Variants in STK4 observed in about 807,000 individuals in gnomAD.
STK4 encodes serine/threonine kinase 4, also known as serine/threonine-protein kinase 4.
Under a neutral mutation model 64.9 loss-of-function variants are expected in STK4, and 30 were observed. The ratio of observed to expected loss-of-function variants is 0.46; its 90% confidence interval spans 0.35 to 0.63. The LOEUF (loss-of-function observed/expected upper bound fraction) is 0.63. Ranked by LOEUF, STK4 falls within the 20% of genes least tolerant of loss-of-function variation. STK4 has a pLI of 0.01. For missense variants in STK4, 466 were observed against 598.5 expected, an observed-to-expected ratio of 0.78 and a Z score of 2.31; for synonymous variants, 177 against 199.0, an observed-to-expected ratio of 0.89 and a Z score of 0.93.
intron 9 of STK4, among the ~76,000 whole-genome samples, chr20:45,009,934 CTT>C (rs2068015353): frequency 6.6e-6 from 1 of 152,102 alleles, no homozygotes; most frequent in South Asian, 2.1e-4. Flanking sequence ...TTGACAGAGT[CTT>C]TAGGATTTTC....
intron 10 of STK4, among the ~76,000 whole-genome samples, chr20:45,071,388 C>T (rs1331338911): frequency 6.6e-6 from 1 of 152,170 alleles, no homozygotes; most frequent in East Asian, 1.9e-4. Flanking sequence ...CTACACTTGG[C>T]GCCATGAAAC....
chr20:44,989,728 T>C (rs2067599122), intron 5 of STK4, among the ~76,000 whole-genome samples: 1 of 152,220 alleles, frequency 6.6e-6, no homozygotes, highest in South Asian at 2.1e-4. Flanking sequence ...AGCTCTTATG[T>C]TTAGATCTGT....
Position 45,048,371 on chromosome 20 carries a change from G to A in STK4, c.1305+23241G>A, listed in dbSNP as rs537940315. On this transcript the variant is annotated intron_variant, in intron 10 of 10. Transcript: ENST00000372806. ...TTTATTTACATGTGTAACACTTAGG[G>A]TGGGAGACATGGATGAACTACTGGA... 1.4e-4 allele frequency among the ~76,000 whole-genome samples: 21 copies of A among 152,328 alleles called. No individual in the cohort carries two copies. The South Asian group carries it at 4.4e-3, about 32-fold the overall frequency.
intron 10 of STK4, among the ~76,000 whole-genome samples, chr20:45,054,183 T>A (rs1017118693): frequency 3.9e-5 from 6 of 152,200 alleles, no homozygotes; most frequent in African/African-American, 1.4e-4. Context: ...CTGCTGTCCG[T>A]GCTTCATTCT....
chr20:45,048,414 G>A (rs2145432961), intron 10 of STK4, among the ~76,000 whole-genome samples: 1 of 152,276 alleles, frequency 6.6e-6, no homozygotes, highest in African/African-American at 2.4e-5. Context: ...AAGATACTGA[G>A]GTGGGCTGCC....
chr20:45,040,449 A>G (rs576365414), intron 10 of STK4, among the ~76,000 whole-genome samples: 10 of 151,942 alleles, frequency 6.6e-5, no homozygotes, highest in Non-Finnish European at 1.5e-4. Context: ...CCTTTCATCT[A>G]TTTCTTATGT....
Position 45,075,141 on chromosome 20 carries a change from A to G in STK4, c.1429A>G (p.Ile477Val). ...QSKRQPILDAIEAKKRRQQNF is the reference protein window; with the variant it reads ...QSKRQPILDAVEAKKRRQQNF The stretch of plus-strand genomic sequence containing the variant: ...CAAGCGGCAGCCCATCCTGGATGCC[A>G]TAGAGGCTAAGAAGAGACGGCAACA... Residue 477 changes from isoleucine (I) to valine (V), a missense_variant, in exon 11 of 11, where the codon ATA (isoleucine) becomes GTA (valine). By Grantham distance (29) the Ile-to-Val change is conservative. Transcript: ENST00000372806. The G allele has an allele frequency of 6.2e-7, 1 of 1,614,138 alleles. No homozygotes were observed. The highest frequency in any genetic ancestry group is 8.5e-7 in the Non-Finnish European group (1 of 1,180,016).
intron 10 of STK4, among the ~76,000 whole-genome samples, chr20:45,055,828 G>A (rs6031959): frequency 0.14 from 21,612 of 151,626 alleles, 1,742 homozygotes; most frequent in East Asian, 0.22. Flanking sequence ...TGCCTCCCAG[G>A]TTCAAGCAAT....
chr20:44,967,288 G>A (rs2067167207), intron 1 of STK4: 1 of 965,408 alleles, frequency 1.0e-6, no homozygotes, highest in African/African-American at 1.8e-5. Flanking sequence ...AAGGAAATAA[G>A]AGGATATTTT....
chr20:45,044,615 A>G (rs1452644450), intron 10 of STK4, among the ~76,000 whole-genome samples: 1 of 152,160 alleles, frequency 6.6e-6, no homozygotes, highest in African/African-American at 2.4e-5. Context: ...TGATTGTGCC[A>G]CTACACTCCA....
rs1244720565 is a variant in STK4, at chr20:45,077,675, C to A, written c.*2499C>A. The A allele has an allele frequency of 6.6e-6, 1 of 152,252 alleles. No homozygotes were observed. Among genetic ancestry groups the A allele is most frequent in the Non-Finnish European group, 1.5e-5 (1 of 68,060 alleles). 9.4% of individuals were successfully genotyped at this position (152,252 alleles called of 1,614,324 possible). On this transcript the variant is annotated 3_prime_UTR_variant, in exon 11 of 11. Coordinates refer to ENST00000372806, the MANE Select transcript of STK4 (RefSeq NM_006282.5). ...CTGCTGGGATTACAGGCATGAGCCA[C>A]CGCTCCTGGCCTCTCTTTCTTTTTT...
intron 10 of STK4, among the ~76,000 whole-genome samples, chr20:45,073,251 A>C (rs1488118841): frequency 6.6e-6 from 1 of 152,146 alleles, no homozygotes; most frequent in East Asian, 1.9e-4. Flanking sequence ...CACAGGCTGG[A>C]AAGATGCATT....
intron 10 of STK4, among the ~76,000 whole-genome samples, chr20:45,060,320 G>C (rs1251368092): frequency 1.3e-5 from 2 of 152,168 alleles, no homozygotes; most frequent in African/African-American, 4.8e-5. Flanking sequence ...AACCTAATTT[G>C]ATTAGTTCTC....
intron 10 of STK4, among the ~76,000 whole-genome samples, chr20:45,027,232 T>C (rs1470079311): frequency 6.6e-6 from 1 of 152,034 alleles, no homozygotes; most frequent in East Asian, 1.9e-4. Context: ...AGTTCGAGGC[T>C]AGCCTGACCA....
At chr20:45,036,621 G>A (rs1446675380) in intron 10 of STK4, among the ~76,000 whole-genome samples, 1 of 152,158 alleles carries the variant, frequency 6.6e-6, no homozygotes, top group Non-Finnish European at 1.5e-5. Context: ...AAAACCATAT[G>A]CTGAGGTTGC....
At chr20:45,013,528 G>GT (rs1374794632) in intron 9 of STK4, among the ~76,000 whole-genome samples, 1 of 151,994 alleles carries the variant, frequency 6.6e-6, no homozygotes, top group Non-Finnish European at 1.5e-5. Flanking sequence ...ATTCGGAAGT[G>GT]TTTTTTAATA....
chr20:45,047,582 A>C (rs990645000), intron 10 of STK4, among the ~76,000 whole-genome samples: 3 of 152,150 alleles, frequency 2.0e-5, no homozygotes, highest in Non-Finnish European at 2.9e-5. Context: ...CCATTCATCT[A>C]TGTGTATAGG....
intron 9 of STK4, among the ~76,000 whole-genome samples, chr20:45,020,172 A>G (rs1176305858): frequency 6.6e-6 from 1 of 152,196 alleles, no homozygotes; most frequent in Non-Finnish European, 1.5e-5. Context: ...AATAAATAAC[A>G]TATATCTCAA....
chr20:45,001,373 C>A lies in STK4; in HGVS notation c.1147+20C>A. 1 of 1,596,494 alleles carries A rather than the reference C, an allele frequency of 6.3e-7. No individual in the cohort carries two copies. Among genetic ancestry groups the A allele is most frequent in the East Asian group, 2.2e-5 (1 of 44,448 alleles). On this transcript the variant is annotated intron_variant, in intron 9 of 10. Coordinates refer to ENST00000372806, the MANE Select transcript of STK4 (RefSeq NM_006282.5). ...TGAAAAGTAAGGCTCTGAGTAAATTCACTGACTTCTTAGACCAAGCATACA... is the reference window on the plus strand; with the variant it reads ...TGAAAAGTAAGGCTCTGAGTAAATTAACTGACTTCTTAGACCAAGCATACA...
Sources: allele counts gnomAD v4.1 joint callset (sites outside exome capture counted in the v4.1 genomes callset), GRCh38; gene constraint gnomAD v4.1.1; transcripts MANE v1.5; gene names NCBI Gene and HGNC (gene_info 2026-07-23, HGNC 2026-07-21).